Variants in ARSB observed in about 807,000 individuals in gnomAD.
ARSB encodes the protein arylsulfatase B.
ARSB carries 41 observed loss-of-function variants against 50.9 expected under a neutral mutation model. The ratio of observed to expected loss-of-function variants is 0.81; its 90% CI spans 0.63 to 1.04. ARSB has a LOEUF of 1.04. Ranked by LOEUF, ARSB falls within the 50% of genes least tolerant of loss-of-function variation. The pLI is 0.00. For missense variants in ARSB, 672 were observed against 693.3 expected (o/e 0.97, Z 0.35); for synonymous variants, 269 against 284.8 (o/e 0.94, Z 0.56).
At chr5:78,888,481 CTG>C (rs1748139000) in intron 4 of ARSB, among the ~76,000 whole-genome samples, 1 of 152,220 alleles carries the variant, frequency 6.6e-6, no homozygotes, top group African/African-American at 2.4e-5. Context: ...TTATTTCACT[CTG>C]TTGTCTGGAT....
intron 1 of ARSB, among the ~76,000 whole-genome samples, chr5:78,977,407 G>A (rs1162978034): frequency 6.6e-6 from 1 of 152,116 alleles, no homozygotes; most frequent in Non-Finnish European, 1.5e-5. Flanking sequence ...GCCTGCCTCG[G>A]CCTCCCAAAG....
rs1180065279 is a variant in ARSB, at chr5:78,777,737, AGCTACTT to A, written c.*2653_*2659del. 1 of 151,488 alleles carries A rather than the reference AGCTACTT, an allele frequency of 6.6e-6. No individual in the cohort carries two copies. Among genetic ancestry groups the A allele is most frequent in the Non-Finnish European group, 1.5e-5 (1 of 67,982 alleles). The allele number at this position is 151,488 out of a possible 1,614,324, so 9.4% of individuals were successfully genotyped here. ...GCGTGGTGGTGTATGCCTGTAATCC[AGCTACTT>A]GGGAGGCTGAGGCAGGAGAATAGCT... On this transcript the variant is annotated 3_prime_UTR_variant, in exon 8 of 8. Coordinates refer to ENST00000264914, the MANE Select transcript of ARSB (RefSeq NM_000046.5).
intron 5 of ARSB, among the ~76,000 whole-genome samples, chr5:78,871,881 C>T (rs1325906408): frequency 5.6e-5 from 8 of 143,148 alleles, no homozygotes; most frequent in Admixed American, 1.5e-4. Context: ...GAACAGGCAA[C>T]CTACAAAATG....
At chr5:78,788,066 A>C (rs1413620156) in intron 6 of ARSB, among the ~76,000 whole-genome samples, 2 of 152,246 alleles carry the variant, frequency 1.3e-5, no homozygotes, top group Non-Finnish European at 2.9e-5. Flanking sequence ...TCAGATGGCG[A>C]ATCAGAAGAG....
chr5:78,882,659 A>G (rs1262881490), intron 5 of ARSB, among the ~76,000 whole-genome samples: 1 of 152,180 alleles, frequency 6.6e-6, no homozygotes, highest in Non-Finnish European at 1.5e-5. Flanking sequence ...CACAATCAAA[A>G]ACCAATGGTC....
chr5:78,974,887 GC>G, intron 1 of ARSB, among the ~76,000 whole-genome samples: 1 of 152,270 alleles, frequency 6.6e-6, no homozygotes, highest in East Asian at 1.9e-4. Context: ...CTTTAGTGAG[GC>G]CATCTTGCTT....
At chr5:78,815,905 T>A (rs536451659) in intron 6 of ARSB, 2 of 1,465,842 alleles carry the variant, frequency 1.4e-6, no homozygotes, top group East Asian at 5.0e-5. Flanking sequence ...TAAGACAGCC[T>A]CCTGGGGCCC....
rs1259040379 is a variant in ARSB, at chr5:78,955,488, G to A, written c.705C>T (p.Tyr235=). ...NHPPEKPLFL[Y]LALQSVHEPL... is the part of the protein sequence containing the mutation. ...GCTCATGCACAGACTGGAGAGCAAG[G>A]TAGAGAAACAGAGGCTGGAAAGAAA... Residue 235 remains tyrosine (Y), a synonymous_variant, in exon 4 of 8, where the codon TAC becomes TAT. Coordinates refer to ENST00000264914, the MANE Select transcript of ARSB (RefSeq NM_000046.5). 6.2e-7 allele frequency: 1 copy of A among 1,614,014 alleles called. No homozygotes were observed. Among genetic ancestry groups the A allele is most frequent in the South Asian group, 1.1e-5 (1 of 91,070 alleles).
chr5:78,875,883 G>A (rs1218923286), intron 5 of ARSB, among the ~76,000 whole-genome samples: 1 of 151,942 alleles, frequency 6.6e-6, no homozygotes, highest in Admixed American at 6.6e-5. Context: ...GGCCAGCCTG[G>A]TCTCAAACTC....
intron 2 of ARSB, among the ~76,000 whole-genome samples, chr5:78,967,882 G>A (rs1752270994): frequency 1.3e-5 from 2 of 152,018 alleles, no homozygotes; most frequent in South Asian, 4.1e-4. Flanking sequence ...ACAGATGGGA[G>A]GTAGGTAGGT....
At position 78,953,870 on chromosome 5, in the gene ARSB, T is replaced by TAC. The variant is rs1318552602; in HGVS notation, c.898+1423_898+1424dup. On this transcript the variant is annotated intron_variant, in intron 4 of 7. Transcript: ENST00000264914. ...AAAAAAGTATATACATACATATATA[T>TAC]ACACACACACATAATACACATTTAA... Among the ~76,000 whole-genome samples, 17 of 152,230 alleles carry TAC rather than the reference T, an allele frequency of 1.1e-4. No homozygotes were observed. The East Asian group carries it at 2.9e-3, about 26-fold the overall frequency.
At chr5:78,901,540 T>C (rs1365554756) in intron 4 of ARSB, among the ~76,000 whole-genome samples, 3 of 151,694 alleles carry the variant, frequency 2.0e-5, no homozygotes, top group Non-Finnish European at 4.4e-5. Flanking sequence ...AACCAACCAA[T>C]AGGGAAATAG....
chr5:78,984,898 C>CGGGGCGGGGGCGGCGCGG lies in ARSB; in HGVS notation c.312+21_312+38dup, dbSNP rs1753086785. 3.9e-6 allele frequency: 5 copies of CGGGGCGGGGGCGGCGCGG among 1,271,614 alleles called. No individual in the cohort carries two copies. The South Asian group carries it at 1.1e-4, about 29-fold the overall frequency. 78.8% of individuals were successfully genotyped at this position (1,271,614 alleles called of 1,614,324 possible). On this transcript the variant is annotated intron_variant, in intron 1 of 7. Transcript: ENST00000264914. ...GGAGCGGCAGGGCGCCGGCGAAAGGCGGGGCGGGGGCGGCGCGGGCGGCGG... is the reference window on the plus strand; with the variant it reads ...GGAGCGGCAGGGCGCCGGCGAAAGGCGGGGCGGGGGCGGCGCGGGGGGCGGGGGCGGCGCGGGCGGCGG...
At chr5:78,801,590 T>C (rs921797040) in intron 6 of ARSB, among the ~76,000 whole-genome samples, 16 of 152,210 alleles carry the variant, frequency 1.1e-4, no homozygotes, top group African/African-American at 3.4e-4. Flanking sequence ...AAACTGAAAC[T>C]GCAACATGGC....
intron 6 of ARSB, among the ~76,000 whole-genome samples, chr5:78,833,697 A>C (rs1033344543): frequency 6.6e-6 from 1 of 152,154 alleles, no homozygotes; most frequent in Non-Finnish European, 1.5e-5. Flanking sequence ...AGAGCCCCAG[A>C]CTCAGAGGGA....
chr5:78,843,323 TC>T (rs1465388024), intron 5 of ARSB, among the ~76,000 whole-genome samples: 9 of 152,224 alleles, frequency 5.9e-5, no homozygotes, highest in African/African-American at 2.2e-4. Flanking sequence ...TGAGGAAGCC[TC>T]CCGGAGTCCT....
intron 2 of ARSB, among the ~76,000 whole-genome samples, chr5:78,965,742 T>A (rs1273002906): frequency 6.6e-6 from 1 of 152,208 alleles, no homozygotes; most frequent in Non-Finnish European, 1.5e-5. Context: ...CCTAGCTCTT[T>A]CTTCAGTCCT....
At chr5:78,920,324 G>A (rs1192934167) in intron 4 of ARSB, among the ~76,000 whole-genome samples, 2 of 152,268 alleles carry the variant, frequency 1.3e-5, no homozygotes, top group South Asian at 2.1e-4. Context: ...TGGGAGGATC[G>A]CTTGAACCCA....
intron 5 of ARSB, among the ~76,000 whole-genome samples, chr5:78,857,067 T>G (rs1243355568): frequency 6.6e-6 from 1 of 152,206 alleles, no homozygotes; most frequent in Admixed American, 6.5e-5. Context: ...AAAATATAGA[T>G]CCAGATTCTG....
Sources: gnomAD v4.1 joint callset for allele counts (sites outside exome capture counted in the v4.1 genomes callset) on GRCh38, gnomAD v4.1.1 for gene constraint, MANE v1.5 for transcripts, NCBI Gene and HGNC (gene_info 2026-07-23, HGNC 2026-07-21) for gene names.